Variants in PPP4R3B observed in about 807,000 individuals in gnomAD.
The protein encoded by PPP4R3B is protein phosphatase 4 regulatory subunit 3B, also known as serine/threonine-protein phosphatase 4 regulatory subunit 3B.
PPP4R3B carries 52 observed loss-of-function variants against 95.4 expected under a neutral mutation model. That is an observed-to-expected ratio of 0.54 (90% confidence interval 0.44 to 0.69). The LOEUF (loss-of-function observed/expected upper bound fraction) is 0.69, where lower values mean the gene tolerates loss of function less well. PPP4R3B is among the 30% of genes least tolerant of loss of function. The probability of loss-of-function intolerance (pLI) is 0.00; values close to 1 mark genes in which losing one functional copy is unlikely to be tolerated. For missense variants in PPP4R3B, 1,003 were observed against 1,005.9 expected (o/e 1.00, Z 0.04); for synonymous variants, 407 against 343.9 (o/e 1.18, Z -2.03).
chr2:55,579,361 G>A (rs1231232341), intron 9 of PPP4R3B, among the ~76,000 whole-genome samples: 1 of 151,598 alleles, frequency 6.6e-6, no homozygotes, highest in African/African-American at 2.4e-5. Flanking sequence ...TTTGATAAGT[G>A]TCTACATATC....
intron 16 of PPP4R3B, among the ~76,000 whole-genome samples, chr2:55,555,323 C>A (rs1393022549): frequency 4.0e-5 from 6 of 150,494 alleles, no homozygotes; most frequent in Admixed American, 1.3e-4. Context: ...AGTATTCTTT[C>A]CCCCATCAAA....
At chr2:55,574,656 C>T (rs1033737263) in intron 11 of PPP4R3B, among the ~76,000 whole-genome samples, 6 of 149,188 alleles carry the variant, frequency 4.0e-5, no homozygotes, top group African/African-American at 7.3e-5. Context: ...TGCAGTGGCG[C>T]GATCTTGGCT....
chr2:55,610,231 A>G (rs945594800), intron 2 of PPP4R3B, among the ~76,000 whole-genome samples: 1 of 152,062 alleles, frequency 6.6e-6, no homozygotes, highest in African/African-American at 2.4e-5. Context: ...CATTTTTTGT[A>G]TCTGAATTAT....
chr2:55,617,205 G>A lies in PPP4R3B; in HGVS notation c.81C>T (p.Val27=), dbSNP rs1695082761. 3 of 1,614,098 alleles carry A rather than the reference G, an allele frequency of 1.9e-6. No individual in the cohort carries two copies. Among genetic ancestry groups the A allele is most frequent in the South Asian group, 1.1e-5 (1 of 91,082 alleles). ...RQWDDRGTGH[V]SSTYVEELKG... ...TGAGCTCCTCCACGTAAGTGGAGGA[G>A]ACGTGCCCGGTGCCTCGGTCGTCCC... is the stretch of plus-strand genomic sequence containing the variant. Residue 27 remains valine (V), a synonymous_variant, in exon 1 of 17, where the codon GTC becomes GTT. Coordinates refer to ENST00000616407, the MANE Select transcript of PPP4R3B (RefSeq NM_001122964.3).
chr2:55,574,935 CTTTTTT>C (rs70954131), intron 11 of PPP4R3B, among the ~76,000 whole-genome samples: 1 of 99,330 alleles, frequency 1.0e-5, no homozygotes, highest in Non-Finnish European at 2.0e-5. Flanking sequence ...TATACAACTT[CTTTTTT>C]TTTTTTTTTT....
At position 55,617,436 on chromosome 2, in the gene PPP4R3B, C is replaced by T; in HGVS notation, c.-151G>A. ...ATTCACCATGGCTCCAAAGGTTCAG[C>T]CGCGAGAAGGGGTGACAAGAGCCAC... On this transcript the variant is annotated 5_prime_UTR_variant, in exon 1 of 17. Coordinates refer to ENST00000616407, the MANE Select transcript of PPP4R3B (RefSeq NM_001122964.3). 1 of 942,492 alleles carries T rather than the reference C, an allele frequency of 1.1e-6. No homozygotes were observed. The highest frequency in any genetic ancestry group is 3.6e-5 in the Admixed American group (1 of 28,032). The allele number at this position is 942,492 out of a possible 1,614,324, so 58.4% of individuals were successfully genotyped here. A position where few individuals can be genotyped will look rare whatever the true frequency, so the allele number is the denominator to read the frequency against.
At chr2:55,597,442 G>A (rs1000743950) in intron 4 of PPP4R3B, among the ~76,000 whole-genome samples, 7 of 152,106 alleles carry the variant, frequency 4.6e-5, no homozygotes, top group Non-Finnish European at 8.8e-5. Context: ...CTAAAATGGT[G>A]AAACCTTGTC....
intron 4 of PPP4R3B, among the ~76,000 whole-genome samples, chr2:55,589,869 T>C (rs1178308352): frequency 2.1e-5 from 3 of 145,682 alleles, no homozygotes; most frequent in Non-Finnish European, 4.5e-5. Flanking sequence ...TGAGCCGAGA[T>C]TGTGCCACTG....
At chr2:55,575,087 G>A (rs1015028917) in intron 11 of PPP4R3B, among the ~76,000 whole-genome samples, 3 of 150,218 alleles carry the variant, frequency 2.0e-5, no homozygotes, top group South Asian at 4.2e-4. Context: ...ACAGGCGCCC[G>A]CCACAACGCC....
At chr2:55,614,627 G>C (rs1169524489) in intron 2 of PPP4R3B, 1 of 152,134 alleles carries the variant, frequency 6.6e-6, no homozygotes, top group Non-Finnish European at 1.5e-5. Context: ...CAGAATAGTG[G>C]TTACCTATGT....
chr2:55,568,468 AAAGT>A (rs1241426523), intron 12 of PPP4R3B, 105 bp from the exon 13 acceptor site: 1 of 889,254 alleles, frequency 1.1e-6, no homozygotes. Context: ...TCTAAAATGA[AAAGT>A]AAAACTGTGT....
rs550831642 is a variant in PPP4R3B at position 55,548,279 on chromosome 2, T to C, written c.*1632A>G. 2 of 152,760 alleles carry C rather than the reference T, an allele frequency of 1.3e-5. No homozygotes were observed. The highest frequency in any genetic ancestry group is 2.9e-5 in the Non-Finnish European group (2 of 68,022). 9.5% of individuals were successfully genotyped at this position (152,760 alleles called of 1,614,324 possible). A position where few individuals can be genotyped will look rare whatever the true frequency, so the allele number is the denominator to read the frequency against. On this transcript the variant is annotated 3_prime_UTR_variant, in exon 17 of 17. Transcript: ENST00000616407. ...TCTAGCAGTTTATAATAAATATTTATGGATAATTTTATTGGCTTTTAAAAG... is the reference window on the plus strand; with the variant it reads ...TCTAGCAGTTTATAATAAATATTTACGGATAATTTTATTGGCTTTTAAAAG...
chr2:55,581,023 C>T (rs1288850680), intron 8 of PPP4R3B, among the ~76,000 whole-genome samples: 2 of 152,064 alleles, frequency 1.3e-5, no homozygotes, highest in African/African-American at 2.4e-5. Flanking sequence ...GAGGCTGAGG[C>T]GGGTGGATCA....
chr2:55,571,648 CAG>C (rs1048383905), intron 12 of PPP4R3B, among the ~76,000 whole-genome samples: 2 of 152,118 alleles, frequency 1.3e-5, no homozygotes, highest in Admixed American at 6.5e-5. Flanking sequence ...TTTCTTGAGA[CAG>C]AGTCTTGCTC....
chr2:55,594,441 T>C (rs1197616980), intron 4 of PPP4R3B, among the ~76,000 whole-genome samples: 2 of 152,048 alleles, frequency 1.3e-5, no homozygotes, highest in Non-Finnish European at 2.9e-5. Context: ...AATGAGTAAA[T>C]CTTTTAGAAA....
Position 55,547,943 on chromosome 2 carries a change from G to A in PPP4R3B, c.*1968C>T, listed in dbSNP as rs1684884058. On this transcript the variant is annotated 3_prime_UTR_variant, in exon 17 of 17. Coordinates refer to ENST00000616407, the MANE Select transcript of PPP4R3B (RefSeq NM_001122964.3). ...ACAAACAAAAAGTAACTAGGAAAGT[G>A]TTTTACATGTGGGCTTATTTTAAGA... The A allele has an allele frequency of 6.6e-6, 1 of 152,150 alleles. No individual in the cohort carries two copies. Among genetic ancestry groups the A allele is most frequent in the Admixed American group, 6.5e-5 (1 of 15,268 alleles). 9.4% of individuals were successfully genotyped at this position (152,150 alleles called of 1,614,324 possible).
At chr2:55,571,074 G>A (rs924296349) in intron 12 of PPP4R3B, among the ~76,000 whole-genome samples, 2 of 152,192 alleles carry the variant, frequency 1.3e-5, no homozygotes, top group East Asian at 1.9e-4. Flanking sequence ...CCTTTGGGAG[G>A]CTGAGGAGGG....
chr2:55,615,263 A>T (rs1694731839), intron 2 of PPP4R3B, 188 bp downstream of exon 2: 1 of 547,148 alleles, frequency 1.8e-6, no homozygotes, highest in South Asian at 2.2e-5. Flanking sequence ...CAATCCAAAA[A>T]TGATAATTAT....
chr2:55,600,983 C>CA (rs1692512764), intron 3 of PPP4R3B, among the ~76,000 whole-genome samples: 1 of 151,752 alleles, frequency 6.6e-6, no homozygotes, highest in South Asian at 2.1e-4. Context: ...CTTGTCACTA[C>CA]AAAAAATACA....
Sources: gnomAD v4.1 joint callset for allele counts (sites outside exome capture counted in the v4.1 genomes callset) on GRCh38, gnomAD v4.1.1 for gene constraint, MANE v1.5 for transcripts, NCBI Gene and HGNC (gene_info 2026-07-23, HGNC 2026-07-21) for gene names.